HACE1: variants seen among roughly 807,000 people sequenced by gnomAD.
The protein encoded by HACE1 is HECT domain and ankyrin repeat containing E3 ubiquitin protein ligase 1, also known as E3 ubiquitin-protein ligase HACE1.
In HACE1, 73 loss-of-function variants were observed where a neutral mutation model predicts 118.4. That is an observed-to-expected ratio of 0.62 (90% CI 0.51 to 0.75). The LOEUF is 0.75. HACE1 is among the 30% of genes least tolerant of loss of function. The pLI is 0.00. For synonymous variants in HACE1, 368 were observed against 374.8 expected, an observed-to-expected ratio of 0.98 and a Z score of 0.21; for missense variants, 749 against 1,102.2, an observed-to-expected ratio of 0.68 and a Z score of 4.54.
At chr6:104,797,640 G>A (rs1411731163) in intron 7 of HACE1, among the ~76,000 whole-genome samples, 1 of 152,104 alleles carries the variant, frequency 6.6e-6, no homozygotes, top group Non-Finnish European at 1.5e-5. Context: ...TTTGGCTTCT[G>A]CAGATAGGTA....
intron 7 of HACE1, 64 bp downstream of exon 7, chr6:104,811,247 C>CATATATATATATATATAT (rs3995559): frequency 5.4e-4 from 112 of 208,446 alleles, no homozygotes; most frequent in Non-Finnish European, 6.9e-4. Flanking sequence ...TTTATTTATA[C>CATATATATATATATATAT]ATATATATAT....
intron 6 of HACE1, among the ~76,000 whole-genome samples, chr6:104,824,506 T>A (rs1214101660): frequency 1.3e-5 from 2 of 152,334 alleles, no homozygotes; most frequent in Non-Finnish European, 1.5e-5. Flanking sequence ...GAAAATGTAC[T>A]CTGAGCATTT....
At chr6:104,829,467 AAAAG>A (rs980230303) in intron 6 of HACE1, among the ~76,000 whole-genome samples, 11 of 152,140 alleles carry the variant, frequency 7.2e-5, no homozygotes, top group African/African-American at 2.7e-4. Flanking sequence ...AGCCAGGAGG[AAAAG>A]AAATAGACTA....
At chr6:104,740,992 A>G (rs1408146367) in intron 22 of HACE1, among the ~76,000 whole-genome samples, 1 of 132,434 alleles carries the variant, frequency 7.6e-6, no homozygotes, top group Non-Finnish European at 1.6e-5. Flanking sequence ...CCTGGGATGC[A>G]AGGCTGGTTC....
chr6:104,752,930 C>T (rs1778216116), intron 19 of HACE1, among the ~76,000 whole-genome samples: 1 of 152,028 alleles, frequency 6.6e-6, no homozygotes, highest in African/African-American at 2.4e-5. Flanking sequence ...GGCAGTTGAA[C>T]TAAATTATTT....
chr6:104,777,211 T>C lies in HACE1; in HGVS notation c.1673A>G (p.His558Arg). 6.2e-7 allele frequency: 1 copy of C among 1,608,290 alleles called. No homozygotes were observed. The highest frequency in any genetic ancestry group is 8.5e-7 in the Non-Finnish European group (1 of 1,174,688). Residue 558 changes from histidine to arginine, a missense_variant, in exon 15 of 24, where the codon CAC becomes CGC. Transcript: ENST00000262903. ...PVNENDILLV[H>R]RDSIFRSSCE... is the part of the protein sequence containing the mutation. Reference sequence around the variant, plus strand: ...AGTTTCTTTGTTAAGCATACCTCTGTGAACCAGCAGGATATCATTTTCATT... The same window carrying C: ...AGTTTCTTTGTTAAGCATACCTCTGCGAACCAGCAGGATATCATTTTCATT...
intron 19 of HACE1, among the ~76,000 whole-genome samples, chr6:104,758,842 G>A: frequency 6.6e-6 from 1 of 151,176 alleles, no homozygotes. Flanking sequence ...AACATAAAGG[G>A]ATAGAGGAAG....
chr6:104,765,646 C>G (rs1298587173), intron 19 of HACE1, among the ~76,000 whole-genome samples: 1 of 152,102 alleles, frequency 6.6e-6, no homozygotes, highest in Non-Finnish European at 1.5e-5. Context: ...TTTCTGCAAC[C>G]AGCCTGTTGA....
intron 6 of HACE1, among the ~76,000 whole-genome samples, chr6:104,820,279 A>C (rs1294789826): frequency 1.3e-5 from 2 of 152,228 alleles, no homozygotes; most frequent in African/African-American, 4.8e-5. Context: ...ACTTAGGCAC[A>C]GGCAAAGATT....
At chr6:104,852,212 T>TGC (rs1195798671) in intron 2 of HACE1, 105 bp downstream of exon 2, 4 of 696,906 alleles carry the variant, frequency 5.7e-6, no homozygotes, top group Non-Finnish European at 1.1e-5. Flanking sequence ...TGTGTGTGTG[T>TGC]GTGTGTGTGT....
intron 7 of HACE1, among the ~76,000 whole-genome samples, chr6:104,805,819 C>G (rs562219732): frequency 6.6e-6 from 1 of 151,870 alleles, no homozygotes; most frequent in African/African-American, 2.4e-5. Flanking sequence ...CAAACCCGCA[C>G]GTTGTGCACA....
At chr6:104,810,627 ACTGATAGCTC>A (rs1225735047) in intron 7 of HACE1, among the ~76,000 whole-genome samples, 2 of 152,054 alleles carry the variant, frequency 1.3e-5, no homozygotes, top group African/African-American at 2.4e-5. Context: ...GTATAATTAT[ACTGATAGCTC>A]CTTAGGGAAT....
intron 5 of HACE1, among the ~76,000 whole-genome samples, chr6:104,837,727 C>G (rs1006841557): frequency 2.0e-5 from 3 of 152,112 alleles, no homozygotes; most frequent in African/African-American, 7.2e-5. Context: ...CTAGAGCAAT[C>G]AGGCAAAAGA....
intron 6 of HACE1, among the ~76,000 whole-genome samples, chr6:104,818,547 C>T (rs1474379247): frequency 6.6e-6 from 1 of 152,094 alleles, no homozygotes; most frequent in Non-Finnish European, 1.5e-5. Context: ...AAGCCAGCAT[C>T]ATCCTGACAC....
intron 7 of HACE1, among the ~76,000 whole-genome samples, chr6:104,801,006 G>A (rs1423029229): frequency 6.6e-6 from 1 of 152,156 alleles, no homozygotes; most frequent in Non-Finnish European, 1.5e-5. Flanking sequence ...AATAAATAGT[G>A]TAGAGAAGAT....
chr6:104,755,987 T>G (rs1429000440), intron 19 of HACE1, among the ~76,000 whole-genome samples: 1 of 152,120 alleles, frequency 6.6e-6, no homozygotes. Context: ...ATTCAATGAA[T>G]CCAGGAGCTG....
intron 22 of HACE1, among the ~76,000 whole-genome samples, chr6:104,734,503 T>C (rs545160477): frequency 2.5e-3 from 387 of 152,314 alleles, no homozygotes; most frequent in African/African-American, 8.9e-3. Context: ...AGGTAAAATT[T>C]AAGATTTTAA....
intron 4 of HACE1, among the ~76,000 whole-genome samples, chr6:104,843,899 G>C (rs537815025): frequency 6.7e-6 from 1 of 148,992 alleles, no homozygotes; most frequent in African/African-American, 2.5e-5. Flanking sequence ...ACAGAGTCTT[G>C]CCAGGCTGGA....
At chr6:104,837,439 GA>G (rs112264629) in intron 5 of HACE1, among the ~76,000 whole-genome samples, 1 of 151,568 alleles carries the variant, frequency 6.6e-6, no homozygotes, top group Non-Finnish European at 1.5e-5. Context: ...TTCATAGGCA[GA>G]AAAAAAAGAG....
Sources: gnomAD v4.1 joint callset for allele counts (sites outside exome capture counted in the v4.1 genomes callset) on GRCh38, gnomAD v4.1.1 for gene constraint, MANE v1.5 for transcripts, NCBI Gene and HGNC (gene_info 2026-07-23, HGNC 2026-07-21) for gene names.